Variants in ABI3BP observed in about 807,000 individuals in gnomAD.
ABI3BP encodes the protein ABI family member 3 binding protein.
A neutral mutation model predicts 268.6 loss-of-function variants in ABI3BP; 216 were observed. The observed-to-expected ratio is 0.80, with a 90% CI of 0.72 to 0.90. ABI3BP has a LOEUF of 0.90. Ranked by LOEUF, ABI3BP falls within the 40% of genes least tolerant of loss-of-function variation. The probability of loss-of-function intolerance (pLI) is 0.00; values close to 1 mark genes in which losing one functional copy is unlikely to be tolerated. For synonymous variants in ABI3BP, 730 were observed against 730.0 expected, an observed-to-expected ratio of 1.00 and a Z score of 0.00; for missense variants, 2,090 against 2,182.4, an observed-to-expected ratio of 0.96 and a Z score of 0.84.
Position 100,830,594 on chromosome 3 carries a change from A to G in ABI3BP, c.2442T>C (p.Ala814=). The G allele has an allele frequency of 6.5e-7, 1 of 1,533,938 alleles. No individual in the cohort carries two copies. The highest frequency in any genetic ancestry group is 8.7e-7 in the Non-Finnish European group (1 of 1,145,508). The part of the protein sequence containing the change: ...TILEPVLRTE[A]SGTTAAPKVP... ...TGCCATTACCTGCTGTTGTCCCTGAAGCCTCAGTTCTAAGAACTGGTTCGA... is the reference window on the plus strand; with the variant it reads ...TGCCATTACCTGCTGTTGTCCCTGAGGCCTCAGTTCTAAGAACTGGTTCGA... The change falls in exon 32 of 68, where the codon GCT becomes GCC. Residue 814 remains alanine, a synonymous_variant. Transcript: ENST00000471714.
intron 51 of ABI3BP, among the ~76,000 whole-genome samples, chr3:100,803,321 T>TG (rs1176457332): frequency 1.4e-5 from 2 of 138,726 alleles, no homozygotes; most frequent in Non-Finnish European, 3.2e-5. Context: ...TAAGGCAAGT[T>TG]TTTTTTTTTT....
At chr3:100,764,846 T>G (rs1004941248) in intron 63 of ABI3BP, among the ~76,000 whole-genome samples, 2 of 152,202 alleles carry the variant, frequency 1.3e-5, no homozygotes, top group Non-Finnish European at 2.9e-5. Flanking sequence ...TGGCTAAAAG[T>G]CTTTTAAGAA....
At chr3:100,945,603 G>A in intron 1 of ABI3BP, 1 of 444,932 alleles carries the variant, frequency 2.2e-6, no homozygotes, top group South Asian at 1.6e-5. Context: ...TTCACACCTG[G>A]CTTCTTTCAT....
intron 14 of ABI3BP, among the ~76,000 whole-genome samples, chr3:100,858,233 G>T (rs1437452257): frequency 6.6e-6 from 1 of 152,184 alleles, no homozygotes; most frequent in Non-Finnish European, 1.5e-5. Context: ...AGTTAGATTT[G>T]CCAAGGGAAT....
intron 1 of ABI3BP, chr3:100,952,663 G>A (rs1361770121): frequency 6.6e-6 from 1 of 152,102 alleles, no homozygotes; most frequent in Non-Finnish European, 1.5e-5. Flanking sequence ...AAAGTTGGAT[G>A]TATACAGAGA....
intron 17 of ABI3BP, 70 bp downstream of exon 17, chr3:100,849,975 T>C (rs1184105405): frequency 3.1e-5 from 41 of 1,325,068 alleles, no homozygotes; most frequent in African/African-American, 1.5e-5. Context: ...AATTCTGAAA[T>C]GGCCAACATG....
intron 2 of ABI3BP, among the ~76,000 whole-genome samples, chr3:100,921,476 T>C (rs2060200126): frequency 6.6e-6 from 1 of 151,494 alleles, no homozygotes; most frequent in African/African-American, 2.4e-5. Context: ...AGCAGAAACT[T>C]AAAATGTTAA....
chr3:100,856,090 G>A (rs1025597080), intron 14 of ABI3BP, among the ~76,000 whole-genome samples: 5 of 152,134 alleles, frequency 3.3e-5, no homozygotes, highest in East Asian at 1.9e-4. Flanking sequence ...CTACTCCTTC[G>A]TTTTCTCCTC....
chr3:100,791,159 A>G (rs1323823201), intron 55 of ABI3BP, among the ~76,000 whole-genome samples: 1 of 151,944 alleles, frequency 6.6e-6, no homozygotes, highest in Non-Finnish European at 1.5e-5. Context: ...CAATTTATAT[A>G]ATGATATGAG....
At chr3:100,776,385 G>GTCCACAAGGGCTT (rs1240930808) in intron 59 of ABI3BP, among the ~76,000 whole-genome samples, 1 of 152,208 alleles carries the variant, frequency 6.6e-6, no homozygotes, top group Non-Finnish European at 1.5e-5. Context: ...TTGCACTGCA[G>GTCCACAAGGGCTT]TCCACAAGGG....
Position 100,928,313 on chromosome 3 carries a change from A to C in ABI3BP, c.80-1832T>G, listed in dbSNP as rs566289926. Reference sequence around the variant, plus strand: ...TGAAAAGACTGCATTTACTGACTTAATAATTCACATTCTATTTCTCATTAA... The same window carrying C: ...TGAAAAGACTGCATTTACTGACTTACTAATTCACATTCTATTTCTCATTAA... On this transcript the variant is annotated intron_variant, in intron 1 of 67. Transcript: ENST00000471714. Among the ~76,000 whole-genome samples, 15 of 152,212 alleles carry C rather than the reference A, an allele frequency of 9.9e-5. No individual in the cohort carries two copies. In the South Asian group the frequency reaches 1.9e-3, roughly 19 times the overall value.
At position 100,859,634 on chromosome 3, in the gene ABI3BP, T is replaced by C. The variant is rs562875863; in HGVS notation, c.1285+2677A>G. Among the ~76,000 whole-genome samples, 127 of 152,320 alleles carry C rather than the reference T, an allele frequency of 8.3e-4. 1 individual carries two copies. The highest frequency in any genetic ancestry group is 2.6e-3 in the African/African-American group (107 of 41,578). On this transcript the variant is annotated intron_variant, in intron 14 of 67. Coordinates refer to ENST00000471714, the MANE Select transcript of ABI3BP (RefSeq NM_001375547.2). ...CTGAAATAAAAGGGCTACATAAATA[T>C]ACCACTCTTTAAATCACAGATACTA...
rs183077023 is a variant in ABI3BP, at chr3:100,861,184, G to A, written c.1285+1127C>T. Among the ~76,000 whole-genome samples, 20 of 152,310 alleles carry A rather than the reference G, an allele frequency of 1.3e-4. No individual in the cohort carries two copies. The East Asian group carries it at 3.9e-3, about 29-fold the overall frequency. ...GCGAACAAGCATGGCCAACTTTCAAGTGTGTTCCCACTTAAGGAAACTAGG... is the reference window on the plus strand; with the variant it reads ...GCGAACAAGCATGGCCAACTTTCAAATGTGTTCCCACTTAAGGAAACTAGG... On this transcript the variant is annotated intron_variant, in intron 14 of 67. Coordinates refer to ENST00000471714, the MANE Select transcript of ABI3BP (RefSeq NM_001375547.2).
intron 14 of ABI3BP, among the ~76,000 whole-genome samples, chr3:100,859,364 A>G (rs568915704): frequency 3.9e-5 from 6 of 152,142 alleles, no homozygotes; most frequent in African/African-American, 1.2e-4. Context: ...AAAAACTGCA[A>G]TTACGTTTGC....
intron 1 of ABI3BP, among the ~76,000 whole-genome samples, chr3:100,959,138 G>T (rs2077909653): frequency 6.6e-6 from 1 of 152,134 alleles, no homozygotes; most frequent in Non-Finnish European, 1.5e-5. Flanking sequence ...GACCATTAGA[G>T]ACCTTCCACA....
At chr3:100,938,878 C>A (rs2067489635) in intron 1 of ABI3BP, among the ~76,000 whole-genome samples, 1 of 151,966 alleles carries the variant, frequency 6.6e-6, no homozygotes, top group South Asian at 2.1e-4. Flanking sequence ...CATGAAAGAA[C>A]AAAGTAGGTA....
intron 1 of ABI3BP, among the ~76,000 whole-genome samples, chr3:100,985,238 C>T (rs1171880699): frequency 6.6e-6 from 1 of 150,432 alleles, no homozygotes; most frequent in Non-Finnish European, 1.5e-5. Flanking sequence ...TCACCTCTGC[C>T]TCCCGGGTTC....
chr3:100,800,925 ATTT>A (rs1164554730), intron 51 of ABI3BP, among the ~76,000 whole-genome samples: 2 of 152,006 alleles, frequency 1.3e-5, no homozygotes, highest in African/African-American at 2.4e-5. Context: ...CTGTTATTTC[ATTT>A]TTTGTTTATA....
intron 22 of ABI3BP, among the ~76,000 whole-genome samples, 168 bp downstream of exon 22, chr3:100,840,652 T>G (rs1187981573): frequency 6.6e-6 from 1 of 152,100 alleles, no homozygotes; most frequent in Non-Finnish European, 1.5e-5. Context: ...GAGATACAGT[T>G]TATAAACTAT....
Sources: gnomAD v4.1 joint callset for allele counts (sites outside exome capture counted in the v4.1 genomes callset) on GRCh38, gnomAD v4.1.1 for gene constraint, MANE v1.5 for transcripts, NCBI Gene and HGNC (gene_info 2026-07-23, HGNC 2026-07-21) for gene names.